Variants in MCFD2 observed in about 807,000 individuals in gnomAD.
MCFD2 encodes multiple coagulation factor deficiency 2, ER cargo receptor complex subunit.
Under a neutral mutation model 12.8 loss-of-function variants are expected in MCFD2, and 11 were observed. That is an observed-to-expected ratio of 0.86 (90% CI 0.54 to 1.42). MCFD2 has a LOEUF of 1.42. Ranked by LOEUF, MCFD2 falls within the 40% of genes most tolerant of loss-of-function variation. The probability of loss-of-function intolerance (pLI) is 0.00; values close to 1 mark genes in which losing one functional copy is unlikely to be tolerated. For synonymous variants in MCFD2, 70 were observed against 68.1 expected, an observed-to-expected ratio of 1.03 and a Z score of -0.14; for missense variants, 191 against 178.6, an observed-to-expected ratio of 1.07 and a Z score of -0.40.
chr2:46,906,917 C>G (rs1572608263), intron 3 of MCFD2: 1 of 152,204 alleles, frequency 6.6e-6, no homozygotes. Flanking sequence ...CAGCTTGCCA[C>G]AGCCTCAACC....
At chr2:46,929,420 G>C (rs1669576039) in intron 1 of MCFD2, among the ~76,000 whole-genome samples, 1 of 152,114 alleles carries the variant, frequency 6.6e-6, no homozygotes, top group African/African-American at 2.4e-5. Flanking sequence ...GAAGTTTGGG[G>C]CTGCAGTGAG....
intron 1 of MCFD2, among the ~76,000 whole-genome samples, chr2:46,931,436 G>T (rs1005153528): frequency 2.0e-5 from 3 of 152,196 alleles, no homozygotes; most frequent in Non-Finnish European, 4.4e-5. Flanking sequence ...ATTAAATTGA[G>T]GACCTTGAGA....
chr2:46,902,953 CA>C lies in MCFD2; in HGVS notation c.*2509del, dbSNP rs1000852001. ...GAAACTAGCAGTATTCTACTACAGT[CA>C]AGTTCCTGAGTACTCAGCTCCAATT... On this transcript the variant is annotated 3_prime_UTR_variant, in exon 4 of 4. Coordinates refer to ENST00000319466, the MANE Select transcript of MCFD2 (RefSeq NM_139279.6). 2 of 152,202 alleles carry C rather than the reference CA, an allele frequency of 1.3e-5. No homozygotes were observed. The highest frequency in any genetic ancestry group is 4.8e-5 in the African/African-American group (2 of 41,462). 9.4% of individuals were successfully genotyped at this position (152,202 alleles called of 1,614,324 possible).
At chr2:46,931,048 C>G (rs564635267) in intron 1 of MCFD2, among the ~76,000 whole-genome samples, 15 of 152,254 alleles carry the variant, frequency 9.9e-5, no homozygotes, top group Non-Finnish European at 2.1e-4. Flanking sequence ...ATTAGCAATT[C>G]AAATCAAACA....
At chr2:46,915,587 A>T in intron 1 of MCFD2, 136 bp downstream of exon 1, 1 of 184,428 alleles carries the variant, frequency 5.4e-6, no homozygotes, top group Non-Finnish European at 1.0e-5. Flanking sequence ...CTAGCCGGTT[A>T]AGCGTCCCGA....
chr2:46,926,004 T>TGTCCG (rs1253351095), intron 1 of MCFD2, among the ~76,000 whole-genome samples: 10 of 152,220 alleles, frequency 6.6e-5, no homozygotes, highest in Non-Finnish European at 1.0e-4. Flanking sequence ...AGTTTGGGTT[T>TGTCCG]GTCCGGTAAT....
Position 46,908,135 on chromosome 2 carries a change from T to G in MCFD2, c.150-166A>C. On this transcript the variant is annotated intron_variant, in intron 2 of 3. Coordinates refer to ENST00000319466, the MANE Select transcript of MCFD2 (RefSeq NM_139279.6). The surrounding 1 kb of genome is among the most constrained non-coding windows in gnomAD (Gnocchi z 4.5). ...GATTACACAGAGATAGACAAGGCCTTGAGAGGAGCAGGAAAAGTCAAATAG... is the reference window on the plus strand; with the variant it reads ...GATTACACAGAGATAGACAAGGCCTGGAGAGGAGCAGGAAAAGTCAAATAG... 1.4e-6 allele frequency: 1 copy of G among 738,116 alleles called. No individual in the cohort carries two copies. The highest frequency in any genetic ancestry group is 2.3e-6 in the Non-Finnish European group (1 of 427,092). The allele number at this position is 738,116 out of a possible 1,614,324, so 45.7% of individuals were successfully genotyped here.
chr2:46,935,469 C>G (rs936018250), intron 1 of MCFD2, among the ~76,000 whole-genome samples: 4 of 152,330 alleles, frequency 2.6e-5, no homozygotes, highest in African/African-American at 9.6e-5. Context: ...TCCAACTTTG[C>G]CTTCCCTATT....
chr2:46,939,425 G>A (rs1218584539), intron 1 of MCFD2, among the ~76,000 whole-genome samples: 3 of 152,274 alleles, frequency 2.0e-5, no homozygotes, highest in East Asian at 1.9e-4. Context: ...GGGGTCCGGC[G>A]TATGTTGAGG....
intron 1 of MCFD2, among the ~76,000 whole-genome samples, chr2:46,910,010 G>C (rs189770818): frequency 7.2e-5 from 11 of 152,322 alleles, no homozygotes; most frequent in African/African-American, 2.6e-4. Flanking sequence ...AGGCGGGTCA[G>C]ATCAAGGTCT....
rs1411922320 is a variant in MCFD2 at position 46,907,606 on chromosome 2, A to G, written c.309+204T>C. ...AGAGACAGGGTCTCACTATATTGCC[A>G]AGGCTGGTCTTGAACTCCTGGCTCA... On this transcript the variant is annotated intron_variant, in intron 3 of 3. Transcript: ENST00000319466. The surrounding 1 kb of genome is among the most constrained non-coding windows in gnomAD (Gnocchi z 4.1). 3 of 614,296 alleles carry G rather than the reference A, an allele frequency of 4.9e-6. No individual in the cohort carries two copies. Among genetic ancestry groups the G allele is most frequent in the Non-Finnish European group, 8.7e-6 (3 of 343,626 alleles). 38.1% of individuals were successfully genotyped at this position (614,296 alleles called of 1,614,324 possible). A position where few individuals can be genotyped will look rare whatever the true frequency, so the allele number is the denominator to read the frequency against.
upstream of MCFD2, among the ~76,000 whole-genome samples, chr2:46,919,743 C>T (rs1292611830): frequency 1.3e-5 from 2 of 152,148 alleles, no homozygotes; most frequent in Non-Finnish European, 2.9e-5. Context: ...GCGTTCTGCA[C>T]AAGTAGAGGA....
rs1668158970 is a variant in MCFD2, at chr2:46,905,003, T to C, written c.*460A>G. 1 of 264,462 alleles carries C rather than the reference T, an allele frequency of 3.8e-6. No individual in the cohort carries two copies. The highest frequency in any genetic ancestry group is 7.3e-6 in the Non-Finnish European group (1 of 136,090). 16.4% of individuals were successfully genotyped at this position (264,462 alleles called of 1,614,324 possible). A position where few individuals can be genotyped will look rare whatever the true frequency, so the allele number is the denominator to read the frequency against. ...GCCAGTCTTTCCCATGCTATTCTTG[T>C]GATAGTGAATAAGTTTCACAAGATC... On this transcript the variant is annotated 3_prime_UTR_variant, in exon 4 of 4. Transcript: ENST00000319466.
At chr2:46,923,805 T>C (rs1669237434) in intron 1 of MCFD2, among the ~76,000 whole-genome samples, 1 of 151,810 alleles carries the variant, frequency 6.6e-6, no homozygotes, top group Non-Finnish European at 1.5e-5. Flanking sequence ...CCATCTCAGC[T>C]CACTGCAACC....
intron 1 of MCFD2, among the ~76,000 whole-genome samples, chr2:46,928,172 G>A (rs150015547): frequency 3.1e-4 from 47 of 151,968 alleles, no homozygotes; most frequent in African/African-American, 1.0e-3. Context: ...GATTACAGGC[G>A]TGAGTCATTG....
rs1172452105 is a variant in MCFD2 at position 46,909,143 on chromosome 2, G to A, written c.29C>T (p.Pro10Leu). MTMRSLLRT[P>L]FLCGLLWAFC... Reference sequence around the variant, plus strand: ...GGCCCAGAGCAGGCCACACAGGAAGGGGGTTCTGAGCAGGGATCTCATGGT... The same window carrying A: ...GGCCCAGAGCAGGCCACACAGGAAGAGGGTTCTGAGCAGGGATCTCATGGT... Residue 10 changes from proline to leucine, a missense_variant, in exon 2 of 4, where the codon CCC becomes CTC. Pro to Leu is a moderately conservative substitution (Grantham distance 98, BLOSUM62 -3). Transcript: ENST00000319466. 1 of 1,614,176 alleles carries A rather than the reference G, an allele frequency of 6.2e-7. No homozygotes were observed. Among genetic ancestry groups the A allele is most frequent in the Non-Finnish European group, 8.5e-7 (1 of 1,180,010 alleles).
In MCFD2 at chr2:46,941,536, G is replaced by A. The variant is rs772781041; in HGVS notation, c.-8+36C>T. 2 of 1,552,382 alleles carry A rather than the reference G, an allele frequency of 1.3e-6. No homozygotes were observed. The highest frequency in any genetic ancestry group is 1.7e-6 in the Non-Finnish European group (2 of 1,148,264). On this transcript the variant is annotated intron_variant, in intron 1 of 2. Transcript: ENST00000409147. The surrounding 1 kb of genome is among the most constrained non-coding windows in gnomAD (Gnocchi z 4.2). ...CCGCACCTTCCATGACAGCGCCCGC[G>A]AGAAGATGGCTGCGAAGGGCGCGCA... is the stretch of plus-strand genomic sequence containing the variant.
At chr2:46,911,657 C>T (rs775585816) in intron 1 of MCFD2, among the ~76,000 whole-genome samples, 1 of 151,904 alleles carries the variant, frequency 6.6e-6, no homozygotes. Context: ...CATGGTGGCT[C>T]GTGCCTGTAA....
In MCFD2 at chr2:46,929,440, C is replaced by T. The variant is rs116282667; in HGVS notation, c.-8+12132G>A. On this transcript the variant is annotated intron_variant, in intron 1 of 2. Coordinates refer to the MCFD2 transcript ENST00000409147. The stretch of plus-strand genomic sequence containing the variant: ...TTGGGGCTGCAGTGAGCTATGATAG[C>T]GCAACTACACTCCAGCCTGGGCAAC... Among the ~76,000 whole-genome samples, 689 of 152,112 alleles carry T rather than the reference C, an allele frequency of 4.5e-3. 4 individuals are homozygous for T. The highest frequency in any genetic ancestry group is 0.016 in the African/African-American group (662 of 41,498).
Sources: allele counts gnomAD v4.1 joint callset (sites outside exome capture counted in the v4.1 genomes callset), GRCh38; gene constraint gnomAD v4.1.1; non-coding constraint Gnocchi (gnomAD v3.1); transcripts MANE v1.5; gene names NCBI Gene and HGNC (gene_info 2026-07-23, HGNC 2026-07-21).